The following PFKFB2 variants were observed in gnomAD, a reference collection of about 807,000 sequenced individuals.
PFKFB2 encodes the protein 6-phosphofructo-2-kinase/fructose-2,6-biphosphatase 2.
A neutral mutation model predicts 68.0 loss-of-function variants in PFKFB2; 53 were observed. The ratio of observed to expected loss-of-function variants is 0.78; its 90% CI spans 0.63 to 0.98. The LOEUF is 0.98. Ranked by LOEUF, PFKFB2 falls within the 50% of genes least tolerant of loss-of-function variation. The pLI, the probability that PFKFB2 is intolerant of heterozygous loss-of-function variation, is 0.00. For missense variants in PFKFB2, 451 were observed against 642.0 expected (o/e 0.70, Z 3.22); for synonymous variants, 222 against 227.6 (o/e 0.98, Z 0.22).
chr1:207,067,526 C>T lies in PFKFB2; in HGVS notation c.660C>T (p.Asn220=), dbSNP rs769125407. 1.5e-5 allele frequency: 25 copies of T among 1,613,590 alleles called. No homozygotes were observed. The African/African-American group carries it at 1.6e-4, about 10-fold the overall frequency. The change falls in exon 9 of 15, where the codon AAC becomes AAT. Residue 220 remains asparagine (N), a synonymous_variant. Transcript: ENST00000367080. ...ATCTTTCTTTCATCAAGGTGATAAA[C>T]GTGGGCCAGCGATTTTTAGTCAACA... is the stretch of plus-strand genomic sequence containing the variant. ...DKDLSFIKVI[N]VGQRFLVNRV... is the part of the protein sequence containing the mutation.
chr1:207,076,014 G>A lies in PFKFB2; in HGVS notation c.*3643G>A, dbSNP rs56246017. 6.9e-3 allele frequency: 6,845 copies of A among 985,354 alleles called. 338 individuals carry two copies. The African/African-American group carries it at 0.1, about 15-fold the overall frequency. The allele number at this position is 985,354 out of a possible 1,614,324, so 61.0% of individuals were successfully genotyped here. On this transcript the variant is annotated 3_prime_UTR_variant, in exon 15 of 15. Transcript: ENST00000367080. ...AAAACTTGCATTGTGCTAGGGATCT[G>A]CCCTATATCTTTGCCTCTGGTGTTT...
chr1:207,075,048 G>A lies in PFKFB2; in HGVS notation c.*2677G>A, dbSNP rs989025031. On this transcript the variant is annotated 3_prime_UTR_variant, in exon 15 of 15. Coordinates refer to ENST00000367080, the MANE Select transcript of PFKFB2 (RefSeq NM_006212.2). ...ATTCAGTCTTTTCTTCTGCTGTGAGGTAAGAGTAATTCAGACCTAATGAAT... is the reference window on the plus strand; with the variant it reads ...ATTCAGTCTTTTCTTCTGCTGTGAGATAAGAGTAATTCAGACCTAATGAAT... 3 of 985,494 alleles carry A rather than the reference G, an allele frequency of 3.0e-6. No individual in the cohort carries two copies. The highest frequency in any genetic ancestry group is 2.4e-6 in the Non-Finnish European group (2 of 829,962). 61.0% of individuals were successfully genotyped at this position (985,494 alleles called of 1,614,324 possible).
At chr1:207,068,451 C>T (rs1426749967) in intron 10 of PFKFB2, 142 bp downstream of exon 10, 8 of 595,682 alleles carry the variant, frequency 1.3e-5, no homozygotes, top group Non-Finnish European at 2.1e-5. Context: ...ATGGCCAGCC[C>T]GGGGGATCAG....
chr1:207,034,896 T>C (rs1644540493), intron 1 of PFKFB2: 1 of 152,574 alleles, frequency 6.6e-6, no homozygotes, highest in Non-Finnish European at 1.5e-5. Flanking sequence ...TGTACTTAAA[T>C]GTTTTCCCTG....
intron 1 of PFKFB2, among the ~76,000 whole-genome samples, chr1:207,038,064 A>G (rs1457073915): frequency 1.3e-5 from 2 of 152,306 alleles, no homozygotes; most frequent in East Asian, 3.9e-4. Flanking sequence ...TCTCTTCTCC[A>G]CAGGGCAGTT....
chr1:207,071,304 T>C, intron 13 of PFKFB2, 54 bp downstream of exon 13: 1 of 1,472,950 alleles, frequency 6.8e-7, no homozygotes, highest in Non-Finnish European at 9.5e-7. Context: ...AGGTCAGAAT[T>C]TTCTCTGAAG....
At chr1:207,078,813 G>A (rs1683694822), downstream of PFKFB2, 2 of 701,780 alleles carry the variant, frequency 2.8e-6, no homozygotes, top group South Asian at 3.1e-5. Flanking sequence ...AGGCACACCA[G>A]TGTGTTCATG....
rs1683562020 is a variant in PFKFB2 at position 207,074,337 on chromosome 1, GTGT to G, written c.*1968_*1970del. On this transcript the variant is annotated 3_prime_UTR_variant, in exon 15 of 15. Coordinates refer to ENST00000367080, the MANE Select transcript of PFKFB2 (RefSeq NM_006212.2). ...ATAACCCCCTGGAAGGCAGGCTGCT[GTGT>G]TTTAGAGGGTTATTCTAGGTTCTAG... The G allele has an allele frequency of 1.0e-6, 1 of 985,348 alleles. No homozygotes were observed. Among genetic ancestry groups the G allele is most frequent in the Non-Finnish European group, 1.2e-6 (1 of 829,940 alleles). 61.0% of individuals were successfully genotyped at this position (985,348 alleles called of 1,614,324 possible).
chr1:207,035,209 A>C (rs1682353012), intron 1 of PFKFB2: 4 of 985,460 alleles, frequency 4.1e-6, no homozygotes, highest in African/African-American at 3.5e-5. Flanking sequence ...TGTTGTGGTC[A>C]TCTCTTTGAC....
chr1:207,051,038 A>C (rs1572711735), upstream of PFKFB2: 1 of 1,495,656 alleles, frequency 6.7e-7, no homozygotes, highest in Non-Finnish European at 8.9e-7. Flanking sequence ...CATCGCGAGA[A>C]GTTGCGGGTG....
At position 207,063,888 on chromosome 1, in the gene PFKFB2, G is replaced by GGGGGGGGTGTGT. The variant is rs572110449; in HGVS notation, c.507+60_507+61insGGGGGGTGTGTG. On this transcript the variant is annotated intron_variant, in intron 7 of 14. Transcript: ENST00000367080. This position sits in a 1 kb window ranked among gnomAD's most constrained non-coding sequence, Gnocchi z 4.1. ...ACCTTTTGTGCTGTGTGTGTTGTGG[G>GGGGGGGGTGTGT]GTGTGTGTGTGTGTGTGTGTGTGTG... 4 of 1,016,504 alleles carry GGGGGGGGTGTGT rather than the reference G, an allele frequency of 3.9e-6. No homozygotes were observed. The highest frequency in any genetic ancestry group is 4.8e-5 in the East Asian group (2 of 41,932). 63.0% of individuals were successfully genotyped at this position (1,016,504 alleles called of 1,614,324 possible).
At position 207,069,494 on chromosome 1, in the gene PFKFB2, A is replaced by C; in HGVS notation, c.1058A>C (p.Gln353Pro). 1 of 1,613,612 alleles carries C rather than the reference A, an allele frequency of 6.2e-7. No homozygotes were observed. The highest frequency in any genetic ancestry group is 8.5e-7 in the Non-Finnish European group (1 of 1,179,500). ...CCAGAAGAGTTTGCACTTCGAGATC[A>C]AGAGAAGTATCTGTATCGATATCCT... Reference protein sequence around the residue: ...RYPEEFALRDQEKYLYRYPGG... With the variant: ...RYPEEFALRDPEKYLYRYPGG... Residue 353 changes from glutamine (Q) to proline (P), a missense_variant, in exon 11 of 15, where the codon CAA becomes CCA. Physicochemically the swap from Gln to Pro is moderately conservative, Grantham distance 76 (BLOSUM62 -1). Transcript: ENST00000367080.
At chr1:207,050,508 G>A (rs1348955965), upstream of PFKFB2, among the ~76,000 whole-genome samples, 1 of 152,204 alleles carries the variant, frequency 6.6e-6, no homozygotes, top group Non-Finnish European at 1.5e-5. Flanking sequence ...AAGACAAGGA[G>A]TTGCTAGACA....
downstream of PFKFB2, chr1:207,079,512 A>G (rs1423611784): frequency 6.5e-6 from 1 of 154,646 alleles, no homozygotes; most frequent in African/African-American, 2.4e-5. Context: ...AGCAAGAGAC[A>G]AATCACCAGG....
intron 11 of PFKFB2, among the ~76,000 whole-genome samples, chr1:207,069,865 C>T (rs1477500921): frequency 6.6e-6 from 1 of 152,146 alleles, no homozygotes; most frequent in Admixed American, 6.5e-5. Context: ...ATTTCCCTGT[C>T]ATCTTGAGTG....
intron 3 of PFKFB2, 77 bp downstream of exon 3, chr1:207,062,155 C>T (rs2102349879): frequency 1.9e-6 from 3 of 1,594,674 alleles, no homozygotes; most frequent in East Asian, 2.2e-5. Context: ...CTTATTCTTC[C>T]TGGCATCAAT....
rs755840336 is a variant in PFKFB2 at position 207,070,301 on chromosome 1, C to T, written c.1114C>T (p.Arg372Trp). ...GGESYQDLVQ[R>W]LEPVIMELER... is the part of the protein sequence containing the mutation. Reference sequence around the variant, plus strand: ...ACAGTCATACCAGGACCTGGTGCAGCGGCTGGAGCCTGTCATCATGGAGCT... The same window carrying T: ...ACAGTCATACCAGGACCTGGTGCAGTGGCTGGAGCCTGTCATCATGGAGCT... The change falls in exon 12 of 15, where the codon CGG becomes TGG. Residue 372 changes from arginine (R) to tryptophan (W), a missense_variant. By Grantham distance (101) the Arg-to-Trp change is moderately radical (BLOSUM62 -3). Transcript: ENST00000367080. The surrounding 1 kb of genome is among the most constrained non-coding windows in gnomAD (Gnocchi z 4.2). 40 of 1,613,294 alleles carry T rather than the reference C, an allele frequency of 2.5e-5. No homozygotes were observed. The highest frequency in any genetic ancestry group is 3.1e-5 in the Non-Finnish European group (37 of 1,179,948).
At chr1:207,049,124 G>T (rs774581441), upstream of PFKFB2, 7 of 1,613,696 alleles carry the variant, frequency 4.3e-6, no homozygotes, top group African/African-American at 4.0e-5. Flanking sequence ...AGGGTGAAGC[G>T]GTTGACATCA....
Position 207,076,252 on chromosome 1 carries a change from C to CTTTTTTTTT in PFKFB2, c.*3889_*3897dup, listed in dbSNP as rs568062478. On this transcript the variant is annotated 3_prime_UTR_variant, in exon 15 of 15. Transcript: ENST00000367080. ...AATTCATCTATGTTACTTTTTTTTT[C>CTTTTTTTTT]TTTTTTTTTTTTTTTTATGAGCAGG... 1.5e-6 allele frequency: 1 copy of CTTTTTTTTT among 657,340 alleles called. No homozygotes were observed. Among genetic ancestry groups the CTTTTTTTTT allele is most frequent in the Non-Finnish European group, 1.8e-6 (1 of 543,108 alleles). 40.7% of individuals were successfully genotyped at this position (657,340 alleles called of 1,614,324 possible). A position where few individuals can be genotyped will look rare whatever the true frequency, so the allele number is the denominator to read the frequency against.
Sources: allele counts gnomAD v4.1 joint callset (sites outside exome capture counted in the v4.1 genomes callset), GRCh38; gene constraint gnomAD v4.1.1; non-coding constraint Gnocchi (gnomAD v3.1); transcripts MANE v1.5; gene names NCBI Gene and HGNC (gene_info 2026-07-23, HGNC 2026-07-21).